RYR1: variants seen among roughly 807,000 people sequenced by gnomAD.
RYR1 encodes the protein ryanodine receptor 1.
In RYR1, 342 loss-of-function variants were observed where a neutral mutation model predicts 583.5. That is an observed-to-expected ratio of 0.59 (90% CI 0.54 to 0.64). The LOEUF is 0.64. Ranked by LOEUF, RYR1 falls within the 30% of genes least tolerant of loss-of-function variation. The pLI, the probability that RYR1 is intolerant of heterozygous loss-of-function variation, is 0.00. For synonymous variants in RYR1, 2,791 were observed against 2,822.5 expected (o/e 0.99, Z 0.35); for missense variants, 6,032 against 6,917.2 (o/e 0.87, Z 4.54).
At chr19:38,487,309 C>A (rs1257824663) in intron 34 of RYR1, among the ~76,000 whole-genome samples, 2 of 152,122 alleles carry the variant, frequency 1.3e-5, no homozygotes, top group Non-Finnish European at 2.9e-5. Flanking sequence ...ATTCGTAGAC[C>A]CATCTAACTA....
rs534148278 is a variant in RYR1, at chr19:38,439,758, C to T, written c.46-987C>T. ...CCTGACCTCAAGTGATCCACCTCCT[C>T]GGCCTCCCAGAGTGCTGGGATTATA... On this transcript the variant is annotated intron_variant, in intron 1 of 105. Transcript: ENST00000359596. Among the ~76,000 whole-genome samples, 308 of 152,218 alleles carry T rather than the reference C, an allele frequency of 2.0e-3. 3 individuals are homozygous for T. The highest frequency in any genetic ancestry group is 2.7e-3 in the Non-Finnish European group (181 of 67,994).
Position 38,507,699 on chromosome 19 carries a change from C to T in RYR1, c.8817-13C>T, listed in dbSNP as rs1970537428. The T allele has an allele frequency of 1.9e-6, 3 of 1,551,424 alleles. No homozygotes were observed. The highest frequency in any genetic ancestry group is 1.7e-5 in the Admixed American group (1 of 59,948). ...GCGTCTGGGCTGATCCTTCTCTCCA[C>T]ATCTCCATGCAGAGGCCTTAAGGAC... On this transcript the variant is annotated splice_polypyrimidine_tract_variant and intron_variant, in intron 57 of 105. Coordinates refer to ENST00000359596, the MANE Select transcript of RYR1 (RefSeq NM_000540.3).
In RYR1 at chr19:38,518,141, GGAAA is replaced by G. The variant is rs1357907478; in HGVS notation, c.10018+458_10018+461del. ...CTCAAAACAAACAAACAAAACAAAA[GGAAA>G]GAAAGAAGGAAGGATGGAGTGAGAG... On this transcript the variant is annotated intron_variant, in intron 66 of 105. Transcript: ENST00000359596. Among the ~76,000 whole-genome samples, 3 of 150,230 alleles carry G rather than the reference GGAAA, an allele frequency of 2.0e-5. No homozygotes were observed. In the East Asian group the frequency reaches 5.9e-4, roughly 29 times the overall value.
chr19:38,586,569 C>A lies in RYR1; in HGVS notation c.15014C>A (p.Thr5005Lys). 2 of 1,613,996 alleles carry A rather than the reference C, an allele frequency of 1.2e-6. No individual in the cohort carries two copies. Among genetic ancestry groups the A allele is most frequent in the Non-Finnish European group, 1.7e-6 (2 of 1,179,862 alleles). The change falls in exon 105 of 106, where the codon ACG (threonine) becomes AAG (lysine). Residue 5005 changes from threonine (T) to lysine (K), a missense_variant. Physicochemically the swap from Thr to Lys is moderately conservative, Grantham distance 78. Around this residue, in one of 11 missense-constraint regions of RYR1, gnomAD observed 189 missense variants for 350.3 expected, o/e 0.54. Coordinates refer to ENST00000359596, the MANE Select transcript of RYR1 (RefSeq NM_000540.3). ...YLINKDETEH[T>K]GQESYVWKMY... ...ATAAACAAGGATGAGACAGAACACA[C>A]GGGTCAGGTAAGGGGGTGTTAATGG... is the stretch of plus-strand genomic sequence containing the variant.
In RYR1 at chr19:38,584,938, C is replaced by T. The variant is rs749356978; in HGVS notation, c.14647-5C>T. The T allele has an allele frequency of 5.0e-6, 8 of 1,613,766 alleles. No homozygotes were observed. The African/African-American group carries it at 5.3e-5, about 11-fold the overall frequency. ...ATGAGTGACCAGTGTGCTCCCCTCC[C>T]TCAGTGTTACCTGTTTCACATGTAC... On this transcript the variant is annotated splice_polypyrimidine_tract_variant and splice_region_variant and intron_variant, in intron 101 of 105. Transcript: ENST00000359596.
intron 81 of RYR1, 38 bp from the exon 82 acceptor site, chr19:38,535,959 T>C (rs750021660): frequency 6.3e-7 from 1 of 1,596,024 alleles, no homozygotes. Flanking sequence ...GGCAGAGGCT[T>C]CATCACATAC....
chr19:38,547,078 G>A (rs1185691123), intron 88 of RYR1, among the ~76,000 whole-genome samples: 1 of 148,608 alleles, frequency 6.7e-6, no homozygotes, highest in African/African-American at 2.5e-5. Context: ...TCGCTCTGCC[G>A]CTCAGGCTGG....
At chr19:38,535,826 C>T (rs945435477) in intron 81 of RYR1, 171 bp from the exon 82 acceptor site, 14 of 715,864 alleles carry the variant, frequency 2.0e-5, no homozygotes, top group African/African-American at 1.9e-4. Context: ...CCTGGCCCAA[C>T]CATATGTCCT....
intron 27 of RYR1, among the ~76,000 whole-genome samples, chr19:38,471,799 G>A (rs1290570005): frequency 6.6e-6 from 1 of 151,568 alleles, no homozygotes; most frequent in Admixed American, 6.6e-5. Context: ...TTACTCGGGA[G>A]GCTGAGGCAG....
At chr19:38,468,654 C>G (rs1000933336) in intron 25 of RYR1, among the ~76,000 whole-genome samples, 1 of 152,154 alleles carries the variant, frequency 6.6e-6, no homozygotes, top group Non-Finnish European at 1.5e-5. Context: ...CCTTTCCATC[C>G]CTCTACTTAC....
intron 68 of RYR1, 29 bp downstream of exon 68, chr19:38,523,144 A>C: frequency 6.2e-7 from 1 of 1,613,558 alleles, no homozygotes; most frequent in South Asian, 1.1e-5. Flanking sequence ...CGCCCTCCCC[A>C]CAACCAGAGG....
In RYR1 at chr19:38,587,318, A is replaced by G. The variant is rs1281576269; in HGVS notation, c.15022-7A>G. 1.9e-6 allele frequency: 3 copies of G among 1,601,942 alleles called. No individual in the cohort carries two copies. The highest frequency in any genetic ancestry group is 1.1e-5 in the South Asian group (1 of 90,844). Reference sequence around the variant, plus strand: ...GACCAATGAACTCTTTCTATCCCCAATCCTAGGAGTCTTATGTCTGGAAGA... The same window carrying G: ...GACCAATGAACTCTTTCTATCCCCAGTCCTAGGAGTCTTATGTCTGGAAGA... On this transcript the variant is annotated splice_polypyrimidine_tract_variant and splice_region_variant and intron_variant, in intron 105 of 105. Transcript: ENST00000359596.
At chr19:38,525,583 C>T (rs931200121) in intron 71 of RYR1, 81 bp downstream of exon 71, 64 of 1,448,586 alleles carry the variant, frequency 4.4e-5, no homozygotes, top group Non-Finnish European at 5.6e-5. Context: ...AGGGAACAAC[C>T]ACAATGCCAC....
intron 13 of RYR1, among the ~76,000 whole-genome samples, chr19:38,454,915 C>T (rs1311190254): frequency 6.6e-6 from 1 of 151,454 alleles, no homozygotes; most frequent in East Asian, 1.9e-4. Context: ...GAGTGGGGTT[C>T]CTGGAAGTGA....
intron 47 of RYR1, 125 bp from the exon 48 acceptor site, chr19:38,502,382 T>G: frequency 1.2e-6 from 1 of 856,508 alleles, no homozygotes; most frequent in South Asian, 1.5e-5. Flanking sequence ...TGGTAGAGAT[T>G]GGGAGGAGCA....
chr19:38,444,591 C>G lies in RYR1; in HGVS notation c.545C>G (p.Ser182Trp), dbSNP rs774285690. The G allele has an allele frequency of 1.2e-6, 2 of 1,613,636 alleles. No homozygotes were observed. Among genetic ancestry groups the G allele is most frequent in the Non-Finnish European group, 1.7e-6 (2 of 1,179,814 alleles). ...SVSSERYLHL[S>W]TASGELQVDA... The stretch of plus-strand genomic sequence containing the variant: ...CATCCTGGTGGCCCCCAGCACCTGT[C>G]GACCGCCAGTGGGGAGCTCCAGGTT... Residue 182 changes from serine to tryptophan, a missense_variant, in exon 7 of 106, where the codon TCG becomes TGG. Physicochemically the swap from Ser to Trp is radical, Grantham distance 177. This residue lies in a region of RYR1 where 338 missense variants were observed against 441.6 expected (regional missense o/e 0.77). Transcript: ENST00000359596. This position sits in a 1 kb window ranked among gnomAD's most constrained non-coding sequence, Gnocchi z 5.1.
chr19:38,449,658 C>G (rs936928156), intron 11 of RYR1, among the ~76,000 whole-genome samples: 1 of 152,200 alleles, frequency 6.6e-6, no homozygotes, highest in African/African-American at 2.4e-5. Context: ...AACAAACTGC[C>G]TTTAGTGAAG....
chr19:38,510,651 C>G lies in RYR1; in HGVS notation c.9001-9C>G. On this transcript the variant is annotated splice_polypyrimidine_tract_variant and intron_variant, in intron 59 of 105. Coordinates refer to ENST00000359596, the MANE Select transcript of RYR1 (RefSeq NM_000540.3). Reference sequence around the variant, plus strand: ...ATTGGACCCTTTATCTCCCCCAACCCGTCTCCAGATCCTGCTCCCTTTGAT... The same window carrying G: ...ATTGGACCCTTTATCTCCCCCAACCGGTCTCCAGATCCTGCTCCCTTTGAT... 6.2e-7 allele frequency: 1 copy of G among 1,614,166 alleles called. No homozygotes were observed. The highest frequency in any genetic ancestry group is 8.5e-7 in the Non-Finnish European group (1 of 1,180,024).
Position 38,502,709 on chromosome 19 carries a change from G to A in RYR1, c.7817G>A (p.Cys2606Tyr), listed in dbSNP as rs1358912817. Residue 2606 changes from cysteine (C) to tyrosine (Y), a missense_variant, in exon 48 of 106, where the codon TGC becomes TAC. Cys to Tyr is a radical substitution (Grantham distance 194). Coordinates refer to ENST00000359596, the MANE Select transcript of RYR1 (RefSeq NM_000540.3). ...TKAQRDVIEDCLMSLCRYIRP... is the reference protein window; with the variant it reads ...TKAQRDVIEDYLMSLCRYIRP... Reference sequence around the variant, plus strand: ...GCGCAGCGTGACGTCATCGAGGACTGCCTCATGTCGCTCTGCAGGTGGAGC... The same window carrying A: ...GCGCAGCGTGACGTCATCGAGGACTACCTCATGTCGCTCTGCAGGTGGAGC... 2 of 1,593,484 alleles carry A rather than the reference G, an allele frequency of 1.3e-6. No homozygotes were observed. Among genetic ancestry groups the A allele is most frequent in the Non-Finnish European group, 1.7e-6 (2 of 1,173,868 alleles).
Sources: allele counts gnomAD v4.1 joint callset (sites outside exome capture counted in the v4.1 genomes callset), GRCh38; gene constraint gnomAD v4.1.1; regional missense constraint gnomAD v4.1.1; non-coding constraint Gnocchi (gnomAD v3.1); transcripts MANE v1.5; gene names NCBI Gene and HGNC (gene_info 2026-07-23, HGNC 2026-07-21).